The following NCALD variants were observed in gnomAD, a reference collection of about 807,000 sequenced individuals.
NCALD encodes the protein neurocalcin-delta.
A neutral mutation model predicts 18.6 loss-of-function variants in NCALD; 10 were observed. That is an observed-to-expected ratio of 0.54 (90% confidence interval 0.33 to 0.91). The LOEUF (loss-of-function observed/expected upper bound fraction) is 0.91, where lower values mean the gene tolerates loss of function less well. NCALD is among the 40% of genes least tolerant of loss of function. NCALD has a pLI of 0.03. For missense variants in NCALD, 184 were observed against 247.6 expected, an observed-to-expected ratio of 0.74 and a Z score of 1.72; for synonymous variants, 88 against 87.4, an observed-to-expected ratio of 1.01 and a Z score of -0.04.
intron 2 of NCALD, among the ~76,000 whole-genome samples, chr8:101,917,639 G>A (rs542087110): frequency 4.6e-5 from 7 of 152,064 alleles, no homozygotes; most frequent in African/African-American, 1.7e-4. Flanking sequence ...TGACAAAGGT[G>A]ATATTACAAT....
intron 2 of NCALD, among the ~76,000 whole-genome samples, chr8:101,973,874 C>G (rs1237861083): frequency 2.0e-5 from 3 of 152,210 alleles, no homozygotes; most frequent in African/African-American, 7.2e-5. Flanking sequence ...TGAACAGCTA[C>G]TATGAGTCAC....
At chr8:102,114,950 ACAC>A (rs1209175625) in intron 1 of NCALD, among the ~76,000 whole-genome samples, 1 of 152,172 alleles carries the variant, frequency 6.6e-6, no homozygotes, top group Non-Finnish European at 1.5e-5. Context: ...AGGTAAAAGG[ACAC>A]CATCCTCAGC....
At chr8:101,932,903 T>C (rs1341422370) in intron 2 of NCALD, among the ~76,000 whole-genome samples, 1 of 152,230 alleles carries the variant, frequency 6.6e-6, no homozygotes. Context: ...CTTTAAAGTT[T>C]ATTACTTTTA....
At chr8:101,941,760 G>A (rs183719607) in intron 2 of NCALD, among the ~76,000 whole-genome samples, 20 of 152,254 alleles carry the variant, frequency 1.3e-4, no homozygotes, top group African/African-American at 4.8e-4. Context: ...AGCACCATCA[G>A]TCTTAACTAC....
intron 4 of NCALD, among the ~76,000 whole-genome samples, chr8:101,825,799 G>C (rs1813912613): frequency 6.6e-6 from 1 of 152,174 alleles, no homozygotes; most frequent in African/African-American, 2.4e-5. Flanking sequence ...TCCGTCTCAA[G>C]CACTCAACTC....
intron 1 of NCALD, among the ~76,000 whole-genome samples, chr8:102,108,507 T>C (rs370373850): frequency 4.6e-5 from 7 of 152,326 alleles, no homozygotes; most frequent in African/African-American, 1.7e-4. Context: ...CGCAATGCAC[T>C]CGTGAGACTT....
Position 102,045,867 on chromosome 8 carries a change from T to C in NCALD, c.-209-25578A>G, listed in dbSNP as rs566853261. On this transcript the variant is annotated intron_variant, in intron 1 of 6. Coordinates refer to the NCALD transcript ENST00000311028. ...CACCCACCATTTAAACAATGCTATG[T>C]TGCATCGCTTCTGCCAACCATTTCT... is the stretch of plus-strand genomic sequence containing the variant. 2.6e-5 allele frequency among the ~76,000 whole-genome samples: 4 copies of C among 152,328 alleles called. No individual in the cohort carries two copies. The East Asian group carries it at 5.8e-4, about 22-fold the overall frequency.
At chr8:101,998,001 A>AT (rs747789819) in intron 2 of NCALD, among the ~76,000 whole-genome samples, 1 of 152,220 alleles carries the variant, frequency 6.6e-6, no homozygotes, top group Non-Finnish European at 1.5e-5. Context: ...CAATAAGAGC[A>AT]TTCAGGTAAT....
chr8:101,892,538 G>A lies in NCALD; in HGVS notation c.-106-5311C>T, dbSNP rs536857951. On this transcript the variant is annotated intron_variant, in intron 3 of 6. Coordinates refer to the NCALD transcript ENST00000311028. The stretch of plus-strand genomic sequence containing the variant: ...GAATGACTTTGACAAATTGAGAGAA[G>A]AAGGCTTCAGACGATCAAACTACTC... Among the ~76,000 whole-genome samples the A allele has an allele frequency of 8.0e-5, 12 of 149,406 alleles. 1 individual carries two copies. Among genetic ancestry groups the A allele is most frequent in the Admixed American group, 6.0e-4 (9 of 15,118 alleles).
intron 2 of NCALD, among the ~76,000 whole-genome samples, chr8:101,933,221 C>T (rs1424278701): frequency 6.6e-6 from 1 of 152,138 alleles, no homozygotes; most frequent in African/African-American, 2.4e-5. Context: ...AGAAAAGGGA[C>T]ATTGCAGATG....
chr8:102,114,080 C>T (rs562068865), intron 1 of NCALD, among the ~76,000 whole-genome samples: 4 of 152,348 alleles, frequency 2.6e-5, no homozygotes, highest in South Asian at 2.1e-4. Context: ...ATGATGCCCA[C>T]GTGATCTCGC....
chr8:102,045,356 A>G (rs1252078147), intron 1 of NCALD, among the ~76,000 whole-genome samples: 1 of 152,238 alleles, frequency 6.6e-6, no homozygotes, highest in Non-Finnish European at 1.5e-5. Context: ...TGAAATGCAC[A>G]TAGCTCACAA....
intron 1 of NCALD, among the ~76,000 whole-genome samples, chr8:102,076,345 G>C (rs7832614): frequency 0.17 from 25,983 of 152,068 alleles, 2,587 homozygotes; most frequent in African/African-American, 0.27. Flanking sequence ...ACAGGCTTGC[G>C]GAGAAGAAAA....
rs112892653 is a variant in NCALD, at chr8:101,800,412, T to C, written c.-19-80764A>G. Among the ~76,000 whole-genome samples, 1,130 of 151,670 alleles carry C rather than the reference T, an allele frequency of 7.5e-3. 13 individuals are homozygous for C. The highest frequency in any genetic ancestry group is 0.024 in the African/African-American group (991 of 41,340). On this transcript the variant is annotated intron_variant, in intron 4 of 6. Coordinates refer to the NCALD transcript ENST00000311028. ...AAAGAACATACTGCTAATAAGCTAA[T>C]AGAGGAGAAAAAATAATTTTAAAAA... is the stretch of plus-strand genomic sequence containing the variant.
intron 3 of NCALD, among the ~76,000 whole-genome samples, chr8:101,899,284 T>C (rs537150290): frequency 6.6e-6 from 1 of 152,176 alleles, no homozygotes; most frequent in Non-Finnish European, 1.5e-5. Flanking sequence ...AAGAGGTTTT[T>C]TCTTTATAGA....
rs76877951 is a variant in NCALD at position 101,776,186 on chromosome 8, C to A, written c.-20+14676G>T. Among the ~76,000 whole-genome samples, 1,101 of 152,234 alleles carry A rather than the reference C, an allele frequency of 7.2e-3. 9 individuals carry two copies. The highest frequency in any genetic ancestry group is 0.044 in the Middle Eastern group (13 of 294). ...CAAAGACAAGAGATGAATGATCAGA[C>A]TGAAAATGGCTAAAATGGAAAGAAC... On this transcript the variant is annotated intron_variant, in intron 1 of 3. Coordinates refer to ENST00000220931, the MANE Select transcript of NCALD (RefSeq NM_032041.3).
In NCALD at chr8:101,731,966, T is replaced by A. The variant is rs561320735; in HGVS notation, c.-19-12318A>T. Among the ~76,000 whole-genome samples the A allele has an allele frequency of 2.6e-5, 4 of 152,308 alleles. No homozygotes were observed. The South Asian group carries it at 8.3e-4, about 32-fold the overall frequency. On this transcript the variant is annotated intron_variant, in intron 1 of 3. Coordinates refer to ENST00000220931, the MANE Select transcript of NCALD (RefSeq NM_032041.3). The stretch of plus-strand genomic sequence containing the variant: ...TCAAAGGCTTCAGATGAAGTCCACA[T>A]GTCTCTTCACCATCAGACCACCTGG...
intron 1 of NCALD, among the ~76,000 whole-genome samples, chr8:101,752,016 A>G (rs1400661849): frequency 6.6e-6 from 1 of 152,236 alleles, no homozygotes; most frequent in Non-Finnish European, 1.5e-5. Context: ...ATAAAACTTA[A>G]TTCCATTACT....
chr8:101,896,436 A>T (rs907029136), intron 3 of NCALD, among the ~76,000 whole-genome samples: 1 of 152,162 alleles, frequency 6.6e-6, no homozygotes, highest in African/African-American at 2.4e-5. Flanking sequence ...AGGCATTGCC[A>T]TTCAGGACAT....
Sources: gnomAD v4.1 joint callset for allele counts (sites outside exome capture counted in the v4.1 genomes callset) on GRCh38, gnomAD v4.1.1 for gene constraint, MANE v1.5 for transcripts, NCBI Gene and HGNC (gene_info 2026-07-23, HGNC 2026-07-21) for gene names.